TAF2: variants seen among roughly 807,000 people sequenced by gnomAD.
TAF2 encodes transcription initiation factor TFIID subunit 2.
In TAF2, 61 loss-of-function variants were observed where a neutral mutation model predicts 138.5. That is an observed-to-expected ratio of 0.44 (90% CI 0.36 to 0.54). TAF2 has a LOEUF of 0.54. Among genes scored for constraint, TAF2 ranks in the 20% least tolerant of loss-of-function variants. The probability of loss-of-function intolerance (pLI) is 0.00; values close to 1 mark genes in which losing one functional copy is unlikely to be tolerated. For synonymous variants in TAF2, 475 were observed against 469.9 expected (o/e 1.01, Z -0.14); for missense variants, 1,090 against 1,427.9 (o/e 0.76, Z 3.81).
intron 2 of TAF2, among the ~76,000 whole-genome samples, chr8:119,826,880 C>T (rs1826136057): frequency 6.6e-6 from 1 of 152,158 alleles, no homozygotes; most frequent in African/African-American, 2.4e-5. Flanking sequence ...GCCACCACAC[C>T]CAGCCTCCTC....
At chr8:119,822,042 C>T (rs1232765509) in intron 2 of TAF2, among the ~76,000 whole-genome samples, 3 of 151,946 alleles carry the variant, frequency 2.0e-5, no homozygotes, top group Non-Finnish European at 4.4e-5. Context: ...AACTGAAAAA[C>T]TTACATGGAA....
At chr8:119,800,892 C>T (rs377160975) in intron 6 of TAF2, among the ~76,000 whole-genome samples, 44 of 151,898 alleles carry the variant, frequency 2.9e-4, no homozygotes, top group South Asian at 1.2e-3. Context: ...AAATTGAAGA[C>T]GAAAAAAGAG....
In TAF2 at chr8:119,756,055, G is replaced by T; in HGVS notation, c.2829C>A (p.Pro943=). Reference sequence around the variant, plus strand: ...GATCTACCAGGGCTTCATTGCATAAGGGAGACTCCATGTTCTTAGTAAATG... The same window carrying T: ...GATCTACCAGGGCTTCATTGCATAATGGAGACTCCATGTTCTTAGTAAATG... ...NPPFTKNMES[P]LCNEALVDQL... is the part of the protein sequence containing the mutation. The change falls in exon 22 of 26, where the codon CCC becomes CCA. Residue 943 remains proline, a synonymous_variant. Coordinates refer to ENST00000378164, the MANE Select transcript of TAF2 (RefSeq NM_003184.4). The T allele has an allele frequency of 6.2e-7, 1 of 1,613,688 alleles. No homozygotes were observed. The highest frequency in any genetic ancestry group is 1.1e-5 in the South Asian group (1 of 91,062).
chr8:119,796,988 A>T lies in TAF2; in HGVS notation c.1091+2T>A. The T allele has an allele frequency of 6.2e-7, 1 of 1,604,414 alleles. No individual in the cohort carries two copies. The highest frequency in any genetic ancestry group is 8.5e-7 in the Non-Finnish European group (1 of 1,171,350). On this transcript the variant is annotated splice_donor_variant, in intron 8 of 25. Coordinates refer to ENST00000378164, the MANE Select transcript of TAF2 (RefSeq NM_003184.4). LOFTEE classifies it high-confidence loss of function. ...AGTAGTATGAACTTTCAGGTCACTC[A>T]CCAAGACATTCTAGATATGAAACAA...
chr8:119,737,834 A>G (rs1460531857), intron 25 of TAF2, among the ~76,000 whole-genome samples: 1 of 151,924 alleles, frequency 6.6e-6, no homozygotes, highest in Non-Finnish European at 1.5e-5. Context: ...AGGAGAAATT[A>G]AAGCAATCTG....
intron 16 of TAF2, 68 bp downstream of exon 16, chr8:119,783,313 T>C: frequency 6.4e-7 from 1 of 1,558,494 alleles, no homozygotes; most frequent in Non-Finnish European, 8.7e-7. Context: ...AGGTGAATTT[T>C]AATTCATTTT....
chr8:119,818,792 T>C (rs1825648229), intron 3 of TAF2, among the ~76,000 whole-genome samples: 1 of 147,358 alleles, frequency 6.8e-6, no homozygotes, highest in South Asian at 2.2e-4. Flanking sequence ...AAGTATGAAA[T>C]AGAAGTAGAA....
chr8:119,825,675 G>GT (rs376653458), intron 2 of TAF2, among the ~76,000 whole-genome samples: 1 of 151,938 alleles, frequency 6.6e-6, no homozygotes, highest in Non-Finnish European at 1.5e-5. Flanking sequence ...AGACCTGACG[G>GT]TTTTTTTGTT....
chr8:119,777,838 C>T (rs1308976146), intron 18 of TAF2, among the ~76,000 whole-genome samples, 181 bp downstream of exon 18: 1 of 152,122 alleles, frequency 6.6e-6, no homozygotes, highest in African/African-American at 2.4e-5. Context: ...TCTAATAAAT[C>T]GTGTTTACAT....
Position 119,819,392 on chromosome 8 carries a change from T to A in TAF2, c.253A>T (p.Ile85Phe), listed in dbSNP as rs147056584. The change falls in exon 3 of 26, where the codon ATT becomes TTT. Residue 85 changes from isoleucine to phenylalanine, a missense_variant. Physicochemically the swap from Ile to Phe is conservative, Grantham distance 21 (BLOSUM62 0). This residue lies in a region of TAF2 where 504 missense variants were observed against 680.9 expected (regional missense o/e 0.74). Coordinates refer to ENST00000378164, the MANE Select transcript of TAF2 (RefSeq NM_003184.4). The stretch of plus-strand genomic sequence containing the variant: ...ACTTCCAAGGTTGGGTCATTATAAA[T>A]AAAAGCAGCCTCTAAATCATTGATC... ...VRINDLEAAF[I>F]YNDPTLEVCH... 6.2e-7 allele frequency: 1 copy of A among 1,613,116 alleles called. No homozygotes were observed. The highest frequency in any genetic ancestry group is 2.2e-5 in the East Asian group (1 of 44,776).
chr8:119,758,238 C>G, intron 20 of TAF2, 96 bp from the exon 21 acceptor site: 1 of 1,120,488 alleles, frequency 8.9e-7, no homozygotes. Context: ...ATATTTAGGA[C>G]TCTGCCTTAG....
In TAF2 at chr8:119,829,622, T is replaced by C. The variant is rs888870314; in HGVS notation, c.138+2055A>G. On this transcript the variant is annotated intron_variant, in intron 2 of 25. Transcript: ENST00000378164. ...TACTTCCTACCAAGATCCTAACCCATACAACATCCAATCAAAGTTTCCAAT... is the reference window on the plus strand; with the variant it reads ...TACTTCCTACCAAGATCCTAACCCACACAACATCCAATCAAAGTTTCCAAT... Among the ~76,000 whole-genome samples, 5 of 151,844 alleles carry C rather than the reference T, an allele frequency of 3.3e-5. No individual in the cohort carries two copies. The East Asian group carries it at 9.7e-4, about 29-fold the overall frequency.
intron 6 of TAF2, among the ~76,000 whole-genome samples, chr8:119,799,430 T>C (rs1271793534): frequency 6.6e-6 from 1 of 152,114 alleles, no homozygotes; most frequent in Non-Finnish European, 1.5e-5. Context: ...CCTTGCGAGT[T>C]TGCTGAGAAT....
chr8:119,806,436 G>T, intron 3 of TAF2, 35 bp from the exon 4 acceptor site: 2 of 1,368,304 alleles, frequency 1.5e-6, no homozygotes, highest in Non-Finnish European at 2.1e-6. Flanking sequence ...TTAATAATAA[G>T]CCATGTATCT....
chr8:119,777,655 C>A (rs1822349275), intron 18 of TAF2, among the ~76,000 whole-genome samples: 1 of 152,138 alleles, frequency 6.6e-6, no homozygotes, highest in Non-Finnish European at 1.5e-5. Context: ...ATCGAGAACT[C>A]TTTTCTAGGT....
intron 18 of TAF2, among the ~76,000 whole-genome samples, chr8:119,772,789 T>C (rs1472269734): frequency 6.6e-6 from 1 of 151,364 alleles, no homozygotes; most frequent in Non-Finnish European, 1.5e-5. Context: ...ATACAAAAAT[T>C]AGCTGGGCGT....
Position 119,793,380 on chromosome 8 carries a change from T to G in TAF2, c.1263A>C (p.Gly421=). 6.2e-7 allele frequency: 1 copy of G among 1,612,686 alleles called. No individual in the cohort carries two copies. Among genetic ancestry groups the G allele is most frequent in the Non-Finnish European group, 8.5e-7 (1 of 1,179,014 alleles). ...GVLLHPIFGG[G]KEKDNPASHL... ...AATAAACATACTTATCCTTCTCTTT[T>G]CCTCCACCAAATATGGGATGTAGTA... Residue 421 remains glycine, a synonymous_variant, in exon 10 of 26, where the codon GGA becomes GGC. Transcript: ENST00000378164.
intron 18 of TAF2, among the ~76,000 whole-genome samples, chr8:119,763,174 C>T (rs2131065566): frequency 6.6e-6 from 1 of 152,296 alleles, no homozygotes; most frequent in South Asian, 2.1e-4. Context: ...CACACTGACA[C>T]ACATAATGCA....
chr8:119,801,639 A>T (rs28715681), intron 6 of TAF2, among the ~76,000 whole-genome samples, 155 bp downstream of exon 6: 41,340 of 152,006 alleles, frequency 0.27, 6,874 homozygotes, highest in Admixed American at 0.46. Context: ...TGTGTTAGCC[A>T]GGATGGTCTC....
Sources: gnomAD v4.1 joint callset for allele counts (sites outside exome capture counted in the v4.1 genomes callset) on GRCh38, gnomAD v4.1.1 for gene constraint, gnomAD v4.1.1 regional missense constraint, MANE v1.5 for transcripts, NCBI Gene and HGNC (gene_info 2026-07-23, HGNC 2026-07-21) for gene names.